Variants in KCND2 observed in about 807,000 individuals in gnomAD.
KCND2 encodes the protein potassium voltage-gated channel subfamily D member 2.
A neutral mutation model predicts 54.4 loss-of-function variants in KCND2; 16 were observed. That is an observed-to-expected ratio of 0.29 (90% CI 0.20 to 0.45). The LOEUF is 0.45. KCND2 is among the 20% of genes least tolerant of loss of function. KCND2 has a pLI of 1.00. For missense variants in KCND2, 486 were observed against 824.2 expected, an observed-to-expected ratio of 0.59 and a Z score of 5.02; for synonymous variants, 317 against 310.7, an observed-to-expected ratio of 1.02 and a Z score of -0.21.
chr7:120,366,956 A>G (rs762913970), intron 1 of KCND2, among the ~76,000 whole-genome samples: 1 of 152,014 alleles, frequency 6.6e-6, no homozygotes, highest in Non-Finnish European at 1.5e-5. Flanking sequence ...TTTACTTCCT[A>G]GAATCAAATT....
At chr7:120,389,302 G>A (rs1288059207) in intron 1 of KCND2, among the ~76,000 whole-genome samples, 1 of 151,790 alleles carries the variant, frequency 6.6e-6, no homozygotes, top group Non-Finnish European at 1.5e-5. Context: ...ATAGTGAAAT[G>A]ATTATTACAC....
chr7:120,284,768 T>G (rs1300230132), intron 1 of KCND2, among the ~76,000 whole-genome samples: 1 of 152,168 alleles, frequency 6.6e-6, no homozygotes, highest in East Asian at 1.9e-4. Context: ...GGAAGATCAT[T>G]TGAAGTCCAG....
chr7:120,512,410 G>A (rs1252259732), intron 1 of KCND2, among the ~76,000 whole-genome samples: 1 of 150,512 alleles, frequency 6.6e-6, no homozygotes, highest in East Asian at 2.0e-4. Context: ...TTTTTTGTTT[G>A]TTAGTAAACA....
chr7:120,413,472 A>G (rs997099159), intron 1 of KCND2, among the ~76,000 whole-genome samples: 2 of 151,936 alleles, frequency 1.3e-5, no homozygotes, highest in Admixed American at 1.3e-4. Context: ...TTGATATATA[A>G]TGTCAATATT....
intron 1 of KCND2, among the ~76,000 whole-genome samples, chr7:120,583,424 T>C (rs1792545505): frequency 6.6e-6 from 1 of 152,154 alleles, no homozygotes; most frequent in Admixed American, 6.5e-5. Flanking sequence ...TGTGTGTGTT[T>C]TATATTAGTT....
At chr7:120,380,955 G>A (rs1397232314) in intron 1 of KCND2, among the ~76,000 whole-genome samples, 2 of 152,052 alleles carry the variant, frequency 1.3e-5, no homozygotes, top group Non-Finnish European at 2.9e-5. Flanking sequence ...AATGGTTTTA[G>A]TTTTCAAAAC....
chr7:120,554,232 T>A (rs1299832716), intron 1 of KCND2, among the ~76,000 whole-genome samples: 1 of 152,098 alleles, frequency 6.6e-6, no homozygotes, highest in Non-Finnish European at 1.5e-5. Flanking sequence ...GTAAATATGA[T>A]GATGTTCTTC....
At chr7:120,474,268 C>T (rs1182536617) in intron 1 of KCND2, among the ~76,000 whole-genome samples, 1 of 152,204 alleles carries the variant, frequency 6.6e-6, no homozygotes, top group Non-Finnish European at 1.5e-5. Flanking sequence ...CCATTCTGCT[C>T]TGCCAAGCTT....
intron 1 of KCND2, among the ~76,000 whole-genome samples, chr7:120,297,121 C>G (rs1293425078): frequency 6.6e-6 from 1 of 151,822 alleles, no homozygotes; most frequent in Non-Finnish European, 1.5e-5. Flanking sequence ...TATCCATTAC[C>G]CACATCACGT....
At chr7:120,450,055 C>G (rs893863939) in intron 1 of KCND2, among the ~76,000 whole-genome samples, 1 of 152,176 alleles carries the variant, frequency 6.6e-6, no homozygotes, top group Non-Finnish European at 1.5e-5. Context: ...TAGTGAAGAT[C>G]CCATTTGGGA....
intron 1 of KCND2, among the ~76,000 whole-genome samples, chr7:120,447,159 T>C (rs943586587): frequency 2.0e-5 from 3 of 152,164 alleles, no homozygotes; most frequent in African/African-American, 7.2e-5. Flanking sequence ...CCCATACTTA[T>C]ACTATACTGA....
intron 1 of KCND2, among the ~76,000 whole-genome samples, chr7:120,507,759 T>C (rs1803049647): frequency 6.6e-6 from 1 of 151,958 alleles, no homozygotes; most frequent in Non-Finnish European, 1.5e-5. Flanking sequence ...TAAATTCTTA[T>C]CTAACATAAA....
At chr7:120,629,549 C>A (rs990517741) in intron 1 of KCND2, among the ~76,000 whole-genome samples, 2 of 152,016 alleles carry the variant, frequency 1.3e-5, no homozygotes, top group Non-Finnish European at 2.9e-5. Flanking sequence ...GTAAGCCATG[C>A]GAGGAACTGT....
At chr7:120,408,943 A>G (rs1801406876) in intron 1 of KCND2, among the ~76,000 whole-genome samples, 1 of 151,930 alleles carries the variant, frequency 6.6e-6, no homozygotes, top group Admixed American at 6.6e-5. Context: ...AAGGTATTAG[A>G]AAAAAAGAGA....
intron 1 of KCND2, among the ~76,000 whole-genome samples, chr7:120,711,051 G>A (rs1308575621): frequency 1.3e-5 from 2 of 151,886 alleles, no homozygotes; most frequent in Non-Finnish European, 2.9e-5. Flanking sequence ...ATATACAAGT[G>A]TATTTTCTTA....
At chr7:120,482,582 A>G (rs1446655184) in intron 1 of KCND2, among the ~76,000 whole-genome samples, 1 of 152,320 alleles carries the variant, frequency 6.6e-6, no homozygotes, top group East Asian at 1.9e-4. Context: ...CCATGAAAAC[A>G]TTAATGCTGT....
intron 1 of KCND2, among the ~76,000 whole-genome samples, chr7:120,440,801 C>T (rs1175694968): frequency 6.6e-6 from 1 of 152,004 alleles, no homozygotes; most frequent in African/African-American, 2.4e-5. Context: ...TCCATAATGT[C>T]TCTTCTCTGA....
intron 1 of KCND2, among the ~76,000 whole-genome samples, chr7:120,435,564 T>G (rs1801853906): frequency 6.6e-6 from 1 of 152,078 alleles, no homozygotes; most frequent in Non-Finnish European, 1.5e-5. Context: ...AAGCAAACTG[T>G]AATGATGATT....
Position 120,550,551 on chromosome 7 carries a change from C to T in KCND2, c.1116-182352C>T, listed in dbSNP as rs78948735. 3.9e-4 allele frequency among the ~76,000 whole-genome samples: 60 copies of T among 152,180 alleles called. No homozygotes were observed. In the East Asian group the frequency reaches 0.01, roughly 26 times the overall value. On this transcript the variant is annotated intron_variant, in intron 1 of 5. Coordinates refer to ENST00000331113, the MANE Select transcript of KCND2 (RefSeq NM_012281.3). ...TACCTGCAAATTTTTCTAAATAGTG[C>T]TTGATGTTATTTGATTCCATTTTAT...
Sources: allele counts gnomAD v4.1 joint callset (sites outside exome capture counted in the v4.1 genomes callset), GRCh38; gene constraint gnomAD v4.1.1; transcripts MANE v1.5; gene names NCBI Gene and HGNC (gene_info 2026-07-23, HGNC 2026-07-21).